Variants in MYO19 observed in about 807,000 individuals in gnomAD.
MYO19 encodes the protein myosin XIX, also known as unconventional myosin-XIX.
Under a neutral mutation model 129.2 loss-of-function variants are expected in MYO19, and 132 were observed. That is an observed-to-expected ratio of 1.02 (90% CI 0.89 to 1.18). The LOEUF is 1.18. MYO19 is among the 50% of genes most tolerant of loss of function. The pLI, the probability that MYO19 is intolerant of heterozygous loss-of-function variation, is 0.00. For synonymous variants in MYO19, 531 were observed against 477.2 expected, an observed-to-expected ratio of 1.11 and a Z score of -1.47; for missense variants, 1,210 against 1,216.7, an observed-to-expected ratio of 0.99 and a Z score of 0.08.
chr17:36,527,542 G>T lies in MYO19; in HGVS notation c.300+9C>A. 1 of 1,612,336 alleles carries T rather than the reference G, an allele frequency of 6.2e-7. No individual in the cohort carries two copies. The highest frequency in any genetic ancestry group is 1.3e-5 in the African/African-American group (1 of 75,004). On this transcript the variant is annotated intron_variant, in intron 5 of 25. Coordinates refer to ENST00000614623, the MANE Select transcript of MYO19 (RefSeq NM_001163735.2). Reference sequence around the variant, plus strand: ...AGCCCTGAGGCCACAGGCAGCGGCAGAGCCTTACCTGGGGCTGAGGCGCAG... The same window carrying T: ...AGCCCTGAGGCCACAGGCAGCGGCATAGCCTTACCTGGGGCTGAGGCGCAG...
At chr17:36,537,538 C>T (rs759819553), upstream of MYO19, 1 of 1,614,158 alleles carries the variant, frequency 6.2e-7, no homozygotes, top group Non-Finnish European at 8.5e-7. Flanking sequence ...GCTATTTTGG[C>T]TGTGGACTTC....
intron 25 of MYO19, among the ~76,000 whole-genome samples, chr17:36,496,614 T>C (rs981984587): frequency 6.6e-6 from 1 of 152,204 alleles, no homozygotes; most frequent in African/African-American, 2.4e-5. Context: ...GAGGAATGTC[T>C]GTCACATTCC....
chr17:36,512,236 C>CACACACAA (rs1334915091), intron 11 of MYO19, among the ~76,000 whole-genome samples: 3 of 142,160 alleles, frequency 2.1e-5, no homozygotes, highest in African/African-American at 5.1e-5. Flanking sequence ...CACACACACA[C>CACACACAA]AAAATTAGCT....
chr17:36,514,546 G>A lies in MYO19; in HGVS notation c.620C>T (p.Ala207Val), dbSNP rs771818540. ...GKFIQLQLNRAQQMTGAAVQT... is the reference protein window; with the variant it reads ...GKFIQLQLNRVQQMTGAAVQT... ...GACTGCGGCTCCAGTCATTTGCTGA[G>A]CCCTGGGACACACACAGGCCAGAGC... Residue 207 changes from alanine to valine, a missense_variant and splice_region_variant, in exon 9 of 26, where the codon GCT becomes GTT. Ala to Val is a moderately conservative substitution (Grantham distance 64, BLOSUM62 0). Coordinates refer to ENST00000614623, the MANE Select transcript of MYO19 (RefSeq NM_001163735.2). 6 of 1,606,276 alleles carry A rather than the reference G, an allele frequency of 3.7e-6. No individual in the cohort carries two copies. The Admixed American group carries it at 8.3e-5, about 22-fold the overall frequency.
intron 19 of MYO19, 164 bp downstream of exon 19, chr17:36,505,133 C>G (rs1268787296): frequency 1.3e-6 from 1 of 781,244 alleles, no homozygotes; most frequent in Admixed American, 1.7e-5. Context: ...CCATACATGC[C>G]TGCCCTGCCA....
rs781533789 is a variant in MYO19 at position 36,498,344 on chromosome 17, G to A, written c.2679C>T (p.Pro893=). 6.2e-6 allele frequency: 10 copies of A among 1,614,008 alleles called. No homozygotes were observed. Among genetic ancestry groups the A allele is most frequent in the Admixed American group, 5.0e-5 (3 of 60,028 alleles). The change falls in exon 25 of 26, where the codon CCC becomes CCT. Residue 893 remains proline, a synonymous_variant. Coordinates refer to ENST00000614623, the MANE Select transcript of MYO19 (RefSeq NM_001163735.2). ...CAGTGTAGCTACTGGGGCTGCCCCT[G>A]GGGAGCTGGAGGCAAGCCCAGACCA... The part of the protein sequence containing the change: ...KLVVWACLQL[P]RGSPSSYTVQ...
Position 36,507,529 on chromosome 17 carries a change from G to C in MYO19, c.1354-17C>G. On this transcript the variant is annotated splice_polypyrimidine_tract_variant and intron_variant, in intron 15 of 25. Transcript: ENST00000614623. ...GTATTCCTCCTAAAGAACAAGGTGG[G>C]ATGAGGTGGGAGAAGGCAGCTGTGG... The C allele has an allele frequency of 6.2e-7, 1 of 1,609,820 alleles. No homozygotes were observed. Among genetic ancestry groups the C allele is most frequent in the South Asian group, 1.1e-5 (1 of 91,020 alleles).
chr17:36,538,376 ATC>A, upstream of MYO19: 1 of 1,614,124 alleles, frequency 6.2e-7, no homozygotes, highest in Non-Finnish European at 8.5e-7. Context: ...AGCATTCAGA[ATC>A]TCTAGTCCCT....
intron 3 of MYO19, 77 bp from the exon 4 acceptor site, chr17:36,528,279 C>T (rs1017056751): frequency 9.0e-6 from 13 of 1,447,096 alleles, no homozygotes; most frequent in Admixed American, 8.1e-5. Context: ...GAGGCCAAGG[C>T]GGGCAGGACA....
Position 36,503,129 on chromosome 17 carries a change from G to C in MYO19, c.2048C>G (p.Pro683Arg). ...CCCTTTGGCAGGATATGGGCTGTCGGGGCCAGAGGATGTGCAAGGATGAAG... is the reference window on the plus strand; with the variant it reads ...CCCTTTGGCAGGATATGGGCTGTCGCGGCCAGAGGATGTGCAAGGATGAAG... ...RRLHPCTSSGPDSPYPAKGLP... is the reference protein window; with the variant it reads ...RRLHPCTSSGRDSPYPAKGLP... The change falls in exon 21 of 26, where the codon CCC becomes CGC. Residue 683 changes from proline to arginine, a missense_variant. By Grantham distance (103) the Pro-to-Arg change is moderately radical. Transcript: ENST00000614623. 2.5e-6 allele frequency: 4 copies of C among 1,613,984 alleles called. No homozygotes were observed. In the South Asian group the frequency reaches 4.4e-5, roughly 18 times the overall value.
At chr17:36,513,112 G>A in intron 11 of MYO19, 1 of 1,357,558 alleles carries the variant, frequency 7.4e-7, no homozygotes, top group Non-Finnish European at 9.5e-7. Context: ...AAGTTTTAAT[G>A]TACTAGACAA....
intron 5 of MYO19, among the ~76,000 whole-genome samples, chr17:36,525,991 G>A (rs190946711): frequency 2.8e-4 from 42 of 152,238 alleles, no homozygotes; most frequent in African/African-American, 8.7e-4. Flanking sequence ...ACCTCATCAC[G>A]CATGAACTTC....
chr17:36,537,739 G>A, upstream of MYO19: 1 of 1,614,140 alleles, frequency 6.2e-7, no homozygotes, highest in African/African-American at 1.3e-5. Flanking sequence ...GTCTTCCTAG[G>A]AATCGGACGA....
In MYO19 at chr17:36,532,629, G is replaced by A. The variant is rs1461629369; in HGVS notation, c.-91C>T. 1.4e-6 allele frequency: 2 copies of A among 1,479,606 alleles called. No homozygotes were observed. Among genetic ancestry groups the A allele is most frequent in the East Asian group, 2.5e-5 (1 of 40,572 alleles). 91.7% of individuals were successfully genotyped at this position (1,479,606 alleles called of 1,614,324 possible). On this transcript the variant is annotated 5_prime_UTR_variant, in exon 3 of 26. Transcript: ENST00000614623. ...TCATGGGACCATGGGCTGGGGTATGGTTCCAACAAAGGGCTCAGTTCTGGA... is the reference window on the plus strand; with the variant it reads ...TCATGGGACCATGGGCTGGGGTATGATTCCAACAAAGGGCTCAGTTCTGGA...
At chr17:36,512,870 T>C in intron 11 of MYO19, 1 of 1,178,142 alleles carries the variant, frequency 8.5e-7, no homozygotes, top group Non-Finnish European at 1.1e-6. Context: ...GGAGCCCAGC[T>C]CACCTGGGGC....
intron 20 of MYO19, 89 bp downstream of exon 20, chr17:36,503,861 A>C (rs2071698245): frequency 9.2e-7 from 1 of 1,092,708 alleles, no homozygotes; most frequent in Non-Finnish European, 1.3e-6. Context: ...TCCACATCTC[A>C]CTCTGGGTTG....
intron 4 of MYO19, 96 bp downstream of exon 4, chr17:36,527,968 C>T: frequency 6.7e-7 from 1 of 1,500,554 alleles, no homozygotes; most frequent in African/African-American, 1.4e-5. Flanking sequence ...AGGAGTCCTG[C>T]CGACCTCCGT....
At position 36,507,085 on chromosome 17, in the gene MYO19, T is replaced by C. The variant is rs1567743962; in HGVS notation, c.1522A>G (p.Thr508Ala). Residue 508 changes from threonine to alanine, a missense_variant, in exon 17 of 26, where the codon ACT (threonine) becomes GCT (alanine). Transcript: ENST00000614623. ...SAAQLQTRIE[T>A]ALAGSPCLGH... ...AGGCAGGGGCTGCCTGCCAGGGCAG[T>C]CTCAATGCGTGTCTGGAGCTGGGCT... 1 of 1,613,334 alleles carries C rather than the reference T, an allele frequency of 6.2e-7. No homozygotes were observed. The highest frequency in any genetic ancestry group is 2.2e-5 in the East Asian group (1 of 44,838).
At chr17:36,531,515 C>T (rs1490675923) in intron 3 of MYO19, among the ~76,000 whole-genome samples, 1 of 151,592 alleles carries the variant, frequency 6.6e-6, no homozygotes, top group East Asian at 1.9e-4. Context: ...TTTTCCCCTA[C>T]ATACTTTAAA....
Sources: allele counts gnomAD v4.1 joint callset (sites outside exome capture counted in the v4.1 genomes callset), GRCh38; gene constraint gnomAD v4.1.1; transcripts MANE v1.5; gene names NCBI Gene and HGNC (gene_info 2026-07-23, HGNC 2026-07-21).